CGN: variants seen among roughly 807,000 people sequenced by gnomAD.
CGN encodes the protein cingulin.
In CGN, 121 loss-of-function variants were observed where a neutral mutation model predicts 157.1. The observed-to-expected ratio is 0.77, with a 90% CI of 0.66 to 0.90. The LOEUF (loss-of-function observed/expected upper bound fraction) is 0.90. Among genes scored for constraint, CGN ranks in the 40% least tolerant of loss-of-function variants. The pLI, the probability that CGN is intolerant of heterozygous loss-of-function variation, is 0.00. For synonymous variants in CGN, 535 were observed against 607.5 expected, an observed-to-expected ratio of 0.88 and a Z score of 1.76; for missense variants, 1,424 against 1,520.9, an observed-to-expected ratio of 0.94 and a Z score of 1.06.
intron 13 of CGN, among the ~76,000 whole-genome samples, chr1:151,531,066 G>A (rs530374995): frequency 1.3e-5 from 2 of 151,938 alleles, no homozygotes; most frequent in East Asian, 1.9e-4. Context: ...ACTTGCACCC[G>A]GAAGGTGGAG....
At chr1:151,520,139 T>TTTTTTC in intron 2 of CGN, 27 bp from the exon 3 acceptor site, 2 of 1,545,002 alleles carry the variant, frequency 1.3e-6, no homozygotes, top group South Asian at 1.2e-5. Flanking sequence ...TCTTTCTTTT[T>TTTTTTC]TTTTTCTTTT....
rs1365946030 is a variant in CGN, at chr1:151,535,947, C to G, written c.3197+49C>G. ...CCTTCCTCCCTCCTTTTCTTCCTCC[C>G]TCCCTCTTGGCTTTTCTCCTCTGTG... On this transcript the variant is annotated intron_variant, in intron 18 of 20. Coordinates refer to ENST00000271636, the MANE Select transcript of CGN (RefSeq NM_020770.3). 2.1e-6 allele frequency: 3 copies of G among 1,454,534 alleles called. No individual in the cohort carries two copies. The South Asian group carries it at 3.5e-5, about 17-fold the overall frequency. 90.1% of individuals were successfully genotyped at this position (1,454,534 alleles called of 1,614,324 possible).
rs201512135 is a variant in CGN, at chr1:151,537,218, C to T, written c.3484C>T (p.Arg1162Cys). ...LEKDSWRKAS[R>C]SAAESALKNE... ...TCTCTGAGTCAGGCGCAAAGCTTCC[C>T]GCTCAGCTGCTGAGTCAGCTCTCAA... The change falls in exon 21 of 21, where the codon CGC (arginine) becomes TGC (cysteine). Residue 1162 changes from arginine (R) to cysteine (C), a missense_variant. Arg to Cys is a radical substitution (Grantham distance 180, BLOSUM62 -3). Coordinates refer to ENST00000271636, the MANE Select transcript of CGN (RefSeq NM_020770.3). The T allele has an allele frequency of 5.0e-5, 81 of 1,613,726 alleles. No homozygotes were observed. Among genetic ancestry groups the T allele is most frequent in the Admixed American group, 3.7e-4 (22 of 59,890 alleles).
Position 151,535,809 on chromosome 1 carries a change from C to G in CGN, c.3108C>G (p.Ser1036Arg). 1 of 1,614,166 alleles carries G rather than the reference C, an allele frequency of 6.2e-7. No individual in the cohort carries two copies. ...QNKDLKTRLASSEGFQKPSAS... is the reference protein window; with the variant it reads ...QNKDLKTRLARSEGFQKPSAS... ...AGGACCTGAAGACCCGGTTGGCCAG[C>G]TCAGAAGGCTTCCAGAAGCCTAGTG... Residue 1036 changes from serine to arginine, a missense_variant, in exon 18 of 21, where the codon AGC becomes AGG. Physicochemically the swap from Ser to Arg is moderately radical, Grantham distance 110. Coordinates refer to ENST00000271636, the MANE Select transcript of CGN (RefSeq NM_020770.3).
At chr1:151,532,951 A>G (rs1402068808) in intron 14 of CGN, among the ~76,000 whole-genome samples, 2 of 152,146 alleles carry the variant, frequency 1.3e-5, no homozygotes, top group Non-Finnish European at 2.9e-5. Flanking sequence ...CCTGTGGCCA[A>G]GGGTCCCTGG....
intron 2 of CGN, 48 bp from the exon 3 acceptor site, chr1:151,520,118 A>ATTTC (rs529199632): frequency 2.8e-6 from 4 of 1,423,512 alleles, no homozygotes; most frequent in Admixed American, 2.1e-5. Context: ...TAATCTTCCT[A>ATTTC]TTTCTTTCTT....
intron 20 of CGN, 34 bp from the exon 21 acceptor site, chr1:151,537,171 C>G: frequency 6.3e-7 from 1 of 1,587,682 alleles, no homozygotes; most frequent in Non-Finnish European, 8.6e-7. Flanking sequence ...TTCTATTTTC[C>G]CCTCCCCAAC....
In CGN at chr1:151,527,037, T is replaced by G; in HGVS notation, c.1826T>G (p.Val609Gly). 1 of 1,613,816 alleles carries G rather than the reference T, an allele frequency of 6.2e-7. No individual in the cohort carries two copies. Among genetic ancestry groups the G allele is most frequent in the Non-Finnish European group, 8.5e-7 (1 of 1,179,946 alleles). ...GAGGAGCTTGGAGAGAAGATAGAGG[T>G]CTTGCAGAGGGAATTAGAGCAGGCC... ...MEEELGEKIE[V>G]LQRELEQARA... The change falls in exon 10 of 21, where the codon GTC (valine) becomes GGC (glycine). Residue 609 changes from valine to glycine, a missense_variant. Val to Gly is a moderately radical substitution (Grantham distance 109, BLOSUM62 -3). Coordinates refer to ENST00000271636, the MANE Select transcript of CGN (RefSeq NM_020770.3).
chr1:151,529,649 T>C lies in CGN; in HGVS notation c.2106+90T>C, dbSNP rs1188906954. ...AGAGGGTGTGGAAAGTTACCTGTCATGGGTATGTACTGACCAGCTCCTGGG... is the reference window on the plus strand; with the variant it reads ...AGAGGGTGTGGAAAGTTACCTGTCACGGGTATGTACTGACCAGCTCCTGGG... On this transcript the variant is annotated intron_variant, in intron 11 of 20. Transcript: ENST00000271636. The C allele has an allele frequency of 9.1e-6, 11 of 1,210,272 alleles. No homozygotes were observed. In the African/African-American group the frequency reaches 1.5e-4, roughly 17 times the overall value. 75.0% of individuals were successfully genotyped at this position (1,210,272 alleles called of 1,614,324 possible). A position where few individuals can be genotyped will look rare whatever the true frequency, so the allele number is the denominator to read the frequency against.
At chr1:151,528,162 T>TGTTTCACCGTGAAACATG (rs574853614) in intron 10 of CGN, among the ~76,000 whole-genome samples, 1 of 151,172 alleles carries the variant, frequency 6.6e-6, no homozygotes, top group Non-Finnish European at 1.5e-5. Flanking sequence ...ACGTACTCAG[T>TGTTTCACCGTGAAACATG]GTTTCACCGT....
At chr1:151,523,276 G>C (rs543218467) in intron 5 of CGN, among the ~76,000 whole-genome samples, 158 bp from the exon 6 acceptor site, 2 of 152,346 alleles carry the variant, frequency 1.3e-5, no homozygotes, top group South Asian at 4.1e-4. Context: ...ACCAAGGCTA[G>C]TTATGAGGAT....
In CGN at chr1:151,529,419, C is replaced by G. The variant is rs140472889; in HGVS notation, c.1966C>G (p.Arg656Gly). The G allele has an allele frequency of 2.5e-6, 4 of 1,613,288 alleles. No individual in the cohort carries two copies. The African/African-American group carries it at 5.4e-5, about 22-fold the overall frequency. The stretch of plus-strand genomic sequence containing the variant: ...ACGGCAGAGCCAGGAGGTGGCTGGG[C>G]GACACCGGGACCGGGAGTTGGAGAA... ...AERQSQEVAG[R>G]HRDRELEKQL... The change falls in exon 11 of 21, where the codon CGA becomes GGA. Residue 656 changes from arginine (R) to glycine (G), a missense_variant. By Grantham distance (125) the Arg-to-Gly change is moderately radical (BLOSUM62 -2). This residue lies in a region of CGN where 1,187 missense variants were observed against 1,217.6 expected (regional missense o/e 0.97). Transcript: ENST00000271636.
At position 151,532,475 on chromosome 1, in the gene CGN, AG is replaced by A. The variant is rs1557992914; in HGVS notation, c.2647del (p.Ala883ProfsTer26). Reference sequence around the variant, plus strand: ...GCCCAGCTGGAGGATTATAAGGAAAAGGCCCGGCGGGAGGTGGCAGATGCCC... The same window carrying A: ...GCCCAGCTGGAGGATTATAAGGAAAAGCCCGGCGGGAGGTGGCAGATGCCC... ...LQAQLEDYKE[K>X]ARREVADAQR... On this transcript the variant is annotated frameshift_variant, in exon 14 of 21. Transcript: ENST00000271636. LOFTEE classifies it high-confidence loss of function. 6.2e-7 allele frequency: 1 copy of A among 1,609,136 alleles called. No individual in the cohort carries two copies. Among genetic ancestry groups the A allele is most frequent in the Non-Finnish European group, 8.5e-7 (1 of 1,178,440 alleles).
Position 151,532,578 on chromosome 1 carries a change from A to G in CGN, c.2742+6A>G. ...TGAGCCGACTTCAGGATGAGGTAGAAGTCTAATATCCTTGGGTTTGAAGGT... is the reference window on the plus strand; with the variant it reads ...TGAGCCGACTTCAGGATGAGGTAGAGGTCTAATATCCTTGGGTTTGAAGGT... On this transcript the variant is annotated splice_donor_region_variant and intron_variant, in intron 14 of 20. Transcript: ENST00000271636. 1.3e-6 allele frequency: 2 copies of G among 1,488,568 alleles called. No individual in the cohort carries two copies. Among genetic ancestry groups the G allele is most frequent in the Non-Finnish European group, 1.8e-6 (2 of 1,120,486 alleles). 92.2% of individuals were successfully genotyped at this position (1,488,568 alleles called of 1,614,324 possible). A position where few individuals can be genotyped will look rare whatever the true frequency, so the allele number is the denominator to read the frequency against.
intron 1 of CGN, among the ~76,000 whole-genome samples, chr1:151,513,298 G>T (rs558088387): frequency 6.6e-6 from 1 of 152,270 alleles, no homozygotes; most frequent in South Asian, 2.1e-4. Flanking sequence ...GTTTGCAGGG[G>T]CCCAGTTCCT....
chr1:151,512,478 A>G (rs1457686743), intron 1 of CGN, among the ~76,000 whole-genome samples: 1 of 152,234 alleles, frequency 6.6e-6, no homozygotes, highest in Non-Finnish European at 1.5e-5. Context: ...GGTGGCTGTC[A>G]GAATGGCAGC....
chr1:151,519,856 AG>A (rs1274906860), intron 2 of CGN, among the ~76,000 whole-genome samples: 4 of 152,238 alleles, frequency 2.6e-5, no homozygotes, highest in African/African-American at 9.6e-5. Flanking sequence ...TATAAACTCT[AG>A]CATGTTAACT....
At position 151,535,588 on chromosome 1, in the gene CGN, C is replaced by G; in HGVS notation, c.2995-12C>G. On this transcript the variant is annotated splice_polypyrimidine_tract_variant and intron_variant, in intron 16 of 20. Coordinates refer to ENST00000271636, the MANE Select transcript of CGN (RefSeq NM_020770.3). ...CCTCCCCAAGTCTGGTCCTCTCACC[C>G]ATCCCCACTAGGTGGATCAGCTGAG... 6.2e-7 allele frequency: 1 copy of G among 1,610,604 alleles called. No homozygotes were observed. The highest frequency in any genetic ancestry group is 1.1e-5 in the South Asian group (1 of 90,978).
chr1:151,527,277 A>G (rs767648696), intron 10 of CGN, among the ~76,000 whole-genome samples, 170 bp downstream of exon 10: 1 of 152,134 alleles, frequency 6.6e-6, no homozygotes, highest in African/African-American at 2.4e-5. Flanking sequence ...CAGTCTCCTC[A>G]TTGAGCATAG....
Sources: gnomAD v4.1 joint callset for allele counts (sites outside exome capture counted in the v4.1 genomes callset) on GRCh38, gnomAD v4.1.1 for gene constraint, gnomAD v4.1.1 regional missense constraint, MANE v1.5 for transcripts, NCBI Gene and HGNC (gene_info 2026-07-23, HGNC 2026-07-21) for gene names.